The following FARP2 variants were observed in gnomAD, a reference collection of about 807,000 sequenced individuals.
FARP2 encodes the protein FERM, ARHGEF and pleckstrin domain-containing protein 2.
FARP2 carries 111 observed loss-of-function variants against 130.5 expected under a neutral mutation model. The ratio of observed to expected loss-of-function variants is 0.85; its 90% CI spans 0.73 to 1.00. The LOEUF (loss-of-function observed/expected upper bound fraction) is 1.00. Ranked by LOEUF, FARP2 falls within the 50% of genes least tolerant of loss-of-function variation. FARP2 has a pLI of 0.00. For synonymous variants in FARP2, 504 were observed against 516.9 expected (o/e 0.98, Z 0.34); for missense variants, 1,385 against 1,346.3 (o/e 1.03, Z -0.45).
intron 2 of FARP2, among the ~76,000 whole-genome samples, chr2:241,379,847 T>A (rs764442938): frequency 5.3e-5 from 8 of 152,274 alleles, no homozygotes; most frequent in Non-Finnish European, 1.0e-4. Flanking sequence ...TATGTGACTC[T>A]GCCCTAGCTT....
At chr2:241,464,105 C>T (rs1478815496) in intron 17 of FARP2, 125 bp downstream of exon 17, 27 of 737,184 alleles carry the variant, frequency 3.7e-5, no homozygotes, top group Non-Finnish European at 5.1e-5. Flanking sequence ...CAGGATCCCC[C>T]TCAGAGTAGG....
intron 8 of FARP2, among the ~76,000 whole-genome samples, chr2:241,421,487 A>T (rs1478091169): frequency 6.6e-6 from 1 of 152,194 alleles, no homozygotes; most frequent in Admixed American, 6.5e-5. Context: ...GATGGATCCA[A>T]GTTCCTGCGG....
intron 7 of FARP2, among the ~76,000 whole-genome samples, chr2:241,416,499 T>G (rs1258770467): frequency 6.6e-6 from 1 of 152,200 alleles, no homozygotes; most frequent in Non-Finnish European, 1.5e-5. Flanking sequence ...ATTTTAATTA[T>G]TATACATTTC....
chr2:241,397,831 CTTT>C (rs397868255), intron 2 of FARP2, among the ~76,000 whole-genome samples: 8 of 122,634 alleles, frequency 6.5e-5, no homozygotes, highest in Non-Finnish European at 1.0e-4. Context: ...ACCTTTTTTC[CTTT>C]TTTTTTTTTT....
intron 1 of FARP2, among the ~76,000 whole-genome samples, chr2:241,368,699 T>C (rs1045556971): frequency 6.6e-6 from 1 of 152,092 alleles, no homozygotes; most frequent in African/African-American, 2.4e-5. Context: ...TTCAAACTGC[T>C]ATTCTCAAGT....
chr2:241,468,181 A>G lies in FARP2; in HGVS notation c.1935A>G (p.Thr645=). The G allele has an allele frequency of 1.2e-6, 2 of 1,614,128 alleles. No homozygotes were observed. Among genetic ancestry groups the G allele is most frequent in the Non-Finnish European group, 1.7e-6 (2 of 1,179,996 alleles). ...TCCAAAGACATGACGAGGTCCTAACAGAACTGGAAAAGGCTACCAAACGCT... is the reference window on the plus strand; with the variant it reads ...TCCAAAGACATGACGAGGTCCTAACGGAACTGGAAAAGGCTACCAAACGCT... The part of the protein sequence containing the change: ...SYFQRHDEVL[T]ELEKATKRCK... Residue 645 remains threonine (T), a synonymous_variant, in exon 18 of 27, where the codon ACA becomes ACG. Coordinates refer to ENST00000264042, the MANE Select transcript of FARP2 (RefSeq NM_014808.4).
chr2:241,360,074 A>G (rs951946998), intron 1 of FARP2, among the ~76,000 whole-genome samples: 1 of 152,142 alleles, frequency 6.6e-6, no homozygotes, highest in East Asian at 1.9e-4. Flanking sequence ...ACTCCAAGGC[A>G]CTTAAATCAC....
At chr2:241,367,236 A>G (rs2061338311) in intron 1 of FARP2, among the ~76,000 whole-genome samples, 1 of 152,134 alleles carries the variant, frequency 6.6e-6, no homozygotes, top group African/African-American at 2.4e-5. Flanking sequence ...CTGGGGCCAC[A>G]CTGCCTTCAG....
chr2:241,465,665 C>T (rs1162325140), intron 17 of FARP2: 1 of 1,550,948 alleles, frequency 6.4e-7, no homozygotes, highest in Non-Finnish European at 8.7e-7. Flanking sequence ...AGTTCTCCCT[C>T]CCTCTCAGGC....
chr2:241,405,227 TAAC>T (rs1256049510), intron 4 of FARP2: 1 of 157,828 alleles, frequency 6.3e-6, no homozygotes, highest in African/African-American at 2.4e-5. Context: ...AATATAATAA[TAAC>T]AATTATATTA....
intron 1 of FARP2, 130 bp from the exon 2 acceptor site, chr2:241,372,954 T>A: frequency 2.3e-6 from 1 of 431,658 alleles, no homozygotes; most frequent in Non-Finnish European, 4.0e-6. Flanking sequence ...TTTGACGTGA[T>A]TAAGACTCAC....
At chr2:241,360,093 A>G (rs191634604) in intron 1 of FARP2, among the ~76,000 whole-genome samples, 4 of 152,266 alleles carry the variant, frequency 2.6e-5, no homozygotes, top group African/African-American at 7.2e-5. Flanking sequence ...ACCATTTAAT[A>G]TATATTAGGT....
chr2:241,365,656 G>A (rs2061287071), intron 1 of FARP2, among the ~76,000 whole-genome samples: 1 of 151,992 alleles, frequency 6.6e-6, no homozygotes, highest in South Asian at 2.1e-4. Flanking sequence ...GGATTTCTTT[G>A]TGGTTCTTTT....
chr2:241,434,302 G>A lies in FARP2; in HGVS notation c.1012G>A (p.Gly338Ser). ...PKAKAVFFSR[G>S]SSFRYSGRTQ... ...AGCAAAAGCCGTCTTCTTCAGCCGG[G>A]GCTCCTCCTTCAGATACAGGTAGGG... The change falls in exon 10 of 27, where the codon GGC becomes AGC. Residue 338 changes from glycine (G) to serine (S), a missense_variant. By Grantham distance (56) the Gly-to-Ser change is moderately conservative. Transcript: ENST00000264042. 1 of 1,612,398 alleles carries A rather than the reference G, an allele frequency of 6.2e-7. No individual in the cohort carries two copies. Among genetic ancestry groups the A allele is most frequent in the Non-Finnish European group, 8.5e-7 (1 of 1,179,492 alleles).
chr2:241,387,870 A>T (rs2150323083), intron 2 of FARP2, among the ~76,000 whole-genome samples: 1 of 152,304 alleles, frequency 6.6e-6, no homozygotes, highest in East Asian at 1.9e-4. Flanking sequence ...TCAATTTAAC[A>T]AAAGAACCTT....
At chr2:241,483,376 C>T in intron 19 of FARP2, 89 bp from the exon 20 acceptor site, 3 of 1,122,276 alleles carry the variant, frequency 2.7e-6, no homozygotes, top group Middle Eastern at 2.4e-4. Context: ...CACAAGCGGC[C>T]ACAAGGCTAT....
Position 241,456,941 on chromosome 2 carries a change from A to G in FARP2, c.1587+19A>G. ...ACACAAGGTGGGCCCCTCGAGGCTGAGAAGCTAGCAGAGGGTTGCAGGGTG... is the reference window on the plus strand; with the variant it reads ...ACACAAGGTGGGCCCCTCGAGGCTGGGAAGCTAGCAGAGGGTTGCAGGGTG... On this transcript the variant is annotated intron_variant, in intron 14 of 26. Transcript: ENST00000264042. 2 of 1,564,298 alleles carry G rather than the reference A, an allele frequency of 1.3e-6. No homozygotes were observed. Among genetic ancestry groups the G allele is most frequent in the Non-Finnish European group, 1.7e-6 (2 of 1,155,506 alleles).
At chr2:241,409,855 A>G (rs955732857) in intron 5 of FARP2, among the ~76,000 whole-genome samples, 3 of 152,168 alleles carry the variant, frequency 2.0e-5, no homozygotes, top group Admixed American at 6.5e-5. Flanking sequence ...CATATTTCCA[A>G]TATTTCTCTG....
At chr2:241,449,111 T>C (rs1293059587) in intron 13 of FARP2, among the ~76,000 whole-genome samples, 1 of 152,234 alleles carries the variant, frequency 6.6e-6, no homozygotes, top group Non-Finnish European at 1.5e-5. Context: ...CTCATCAGGT[T>C]CACATTTACT....
Sources: gnomAD v4.1 joint callset for allele counts (sites outside exome capture counted in the v4.1 genomes callset) on GRCh38, gnomAD v4.1.1 for gene constraint, MANE v1.5 for transcripts, NCBI Gene and HGNC (gene_info 2026-07-23, HGNC 2026-07-21) for gene names.